Variants in SERPINI2 observed in about 807,000 individuals in gnomAD.
The protein encoded by SERPINI2 is serpin I2.
SERPINI2 carries 48 observed loss-of-function variants against 47.3 expected under a neutral mutation model. That is an observed-to-expected ratio of 1.02 (90% confidence interval 0.81 to 1.29). The LOEUF (loss-of-function observed/expected upper bound fraction) is 1.29, where lower values mean the gene tolerates loss of function less well. SERPINI2 is among the 50% of genes most tolerant of loss of function. The pLI, the probability that SERPINI2 is intolerant of heterozygous loss-of-function variation, is 0.00. For synonymous variants in SERPINI2, 135 were observed against 149.3 expected (o/e 0.90, Z 0.70); for missense variants, 448 against 456.9 (o/e 0.98, Z 0.18).
At chr3:167,466,043 C>A (rs1560235575) in intron 3 of SERPINI2, among the ~76,000 whole-genome samples, 2 of 152,112 alleles carry the variant, frequency 1.3e-5, no homozygotes, top group African/African-American at 4.8e-5. Flanking sequence ...AAATGTCAGT[C>A]ATCATAAGTA....
At chr3:167,443,397 G>A (rs9854062) in intron 8 of SERPINI2, among the ~76,000 whole-genome samples, 29,070 of 152,050 alleles carry the variant, frequency 0.19, 4,121 homozygotes, top group African/African-American at 0.39. Context: ...GTGAGCCACC[G>A]CGCCTGGCCC....
At chr3:167,451,549 G>T (rs1418449655) in intron 6 of SERPINI2, among the ~76,000 whole-genome samples, 1 of 152,178 alleles carries the variant, frequency 6.6e-6, no homozygotes, top group South Asian at 2.1e-4. Context: ...GAACCAAAAT[G>T]GTTAAAACAG....
chr3:167,465,816 A>G, intron 3 of SERPINI2, 143 bp from the exon 4 acceptor site: 1 of 636,382 alleles, frequency 1.6e-6, no homozygotes, highest in Non-Finnish European at 2.6e-6. Context: ...GGTAATTTTG[A>G]GAATAGACGG....
At chr3:167,459,310 G>A (rs1354043334) in intron 5 of SERPINI2, among the ~76,000 whole-genome samples, 6 of 151,980 alleles carry the variant, frequency 3.9e-5, no homozygotes, top group Admixed American at 1.3e-4. Context: ...TCCTGACCTC[G>A]TGATCCGCCC....
At chr3:167,464,468 CAAGAGGTTT>C (rs1467249007) in intron 5 of SERPINI2, among the ~76,000 whole-genome samples, 1 of 151,908 alleles carries the variant, frequency 6.6e-6, no homozygotes, top group East Asian at 1.9e-4. Flanking sequence ...AAGTAAAAAC[CAAGAGGTTT>C]AAGAGACCAA....
At chr3:167,465,600 A>G (rs1186315744) in exon 4 of SERPINI2, 5 of 1,613,648 alleles carry the variant, frequency 3.1e-6, no homozygotes, top group Non-Finnish European at 4.2e-6. Flanking sequence ...CTCCTTTGAA[A>G]TAAATAGCAT....
intron 6 of SERPINI2, 29 bp from the exon 7 acceptor site, chr3:167,449,431 A>ATTTT: frequency 7.1e-7 from 1 of 1,409,328 alleles, no homozygotes. Context: ...ACAAAAGTGT[A>ATTTT]TTTAAGAGTT....
At chr3:167,475,346 G>A (rs1298801777), upstream of SERPINI2, among the ~76,000 whole-genome samples, 1 of 151,684 alleles carries the variant, frequency 6.6e-6, no homozygotes, top group Non-Finnish European at 1.5e-5. Flanking sequence ...CCCATTTACT[G>A]ACACCAGCAA....
chr3:167,467,518 A>G (rs1750174403), intron 2 of SERPINI2, among the ~76,000 whole-genome samples: 1 of 152,156 alleles, frequency 6.6e-6, no homozygotes, highest in African/African-American at 2.4e-5. Context: ...GCAAATTTGA[A>G]ATTTGTCAAA....
At chr3:167,474,818 C>T (rs1423917921), upstream of SERPINI2, among the ~76,000 whole-genome samples, 2 of 151,444 alleles carry the variant, frequency 1.3e-5, no homozygotes, top group Admixed American at 6.6e-5. Context: ...ACCTCAATGG[C>T]AATCAGATAT....
intron 1 of SERPINI2, chr3:167,473,720 T>C: frequency 1.4e-6 from 2 of 1,426,274 alleles, no homozygotes; most frequent in South Asian, 1.4e-5. Context: ...AAATATTGGT[T>C]TTAAAAACTC....
chr3:167,454,760 TA>T (rs542369929), intron 5 of SERPINI2, among the ~76,000 whole-genome samples: 2 of 152,336 alleles, frequency 1.3e-5, no homozygotes, highest in East Asian at 3.9e-4. Context: ...ATGTATAATC[TA>T]CAGCCAATTC....
Position 167,454,242 on chromosome 3 carries a change from C to T in SERPINI2, c.867-1209G>A, listed in dbSNP as rs192102784. Among the ~76,000 whole-genome samples, 278 of 152,348 alleles carry T rather than the reference C, an allele frequency of 1.8e-3. 1 individual carries two copies. The highest frequency in any genetic ancestry group is 6.6e-3 in the African/African-American group (273 of 41,584). ...CTGAATGAGCTTCTTAATTATAATTCTCCAAAGCAATGAACATGCTGTGGC... is the reference window on the plus strand; with the variant it reads ...CTGAATGAGCTTCTTAATTATAATTTTCCAAAGCAATGAACATGCTGTGGC... On this transcript the variant is annotated intron_variant, in intron 5 of 8. Coordinates refer to ENST00000264677, the Ensembl canonical transcript of SERPINI2.
chr3:167,468,291 C>T (rs1357027765), intron 2 of SERPINI2, among the ~76,000 whole-genome samples: 1 of 151,970 alleles, frequency 6.6e-6, no homozygotes, highest in Admixed American at 6.6e-5. Context: ...TACTAGATTT[C>T]TACTGGAAAT....
exon 6 of SERPINI2, chr3:167,452,963 C>A (rs968036008): frequency 1.2e-6 from 2 of 1,604,746 alleles, no homozygotes; most frequent in Non-Finnish European, 1.7e-6. Context: ...TCGCAGCCAC[C>A]ACTAAATATC....
intron 2 of SERPINI2, chr3:167,469,235 C>A (rs1013173339): frequency 6.6e-6 from 1 of 152,064 alleles, no homozygotes; most frequent in Non-Finnish European, 1.5e-5. Context: ...CCATGGATAA[C>A]CCACAGGTCA....
At chr3:167,457,868 CAA>C (rs940473928) in intron 5 of SERPINI2, among the ~76,000 whole-genome samples, 4 of 152,100 alleles carry the variant, frequency 2.6e-5, no homozygotes, top group African/African-American at 9.7e-5. Flanking sequence ...TTCTAAAACC[CAA>C]ACTTAATTTT....
chr3:167,453,111 T>A, intron 5 of SERPINI2, 78 bp from the exon 6 acceptor site: 1 of 699,502 alleles, frequency 1.4e-6, no homozygotes, highest in Non-Finnish European at 2.4e-6. Flanking sequence ...ATGGATGACT[T>A]AGAGGATAAT....
chr3:167,462,655 AC>A (rs1366643003), intron 5 of SERPINI2, among the ~76,000 whole-genome samples: 1 of 152,122 alleles, frequency 6.6e-6, no homozygotes, highest in African/African-American at 2.4e-5. Flanking sequence ...ATGCAATTCA[AC>A]CCATAACAGT....
Sources: allele counts gnomAD v4.1 joint callset (sites outside exome capture counted in the v4.1 genomes callset), GRCh38; gene constraint gnomAD v4.1.1; transcripts MANE v1.5; gene names NCBI Gene and HGNC (gene_info 2026-07-23, HGNC 2026-07-21).